The following NRG3 variants were observed in gnomAD, a reference collection of about 807,000 sequenced individuals.
The protein encoded by NRG3 is pro-neuregulin-3, membrane-bound isoform.
Under a neutral mutation model 66.9 loss-of-function variants are expected in NRG3, and 31 were observed. The observed-to-expected ratio is 0.46, with a 90% CI of 0.35 to 0.63. The LOEUF (loss-of-function observed/expected upper bound fraction) is 0.63. Among genes scored for constraint, NRG3 ranks in the 20% least tolerant of loss-of-function variants. The probability of loss-of-function intolerance (pLI) is 0.00; values close to 1 mark genes in which losing one functional copy is unlikely to be tolerated. For synonymous variants in NRG3, 393 were observed against 359.4 expected (o/e 1.09, Z -1.06); for missense variants, 910 against 878.9 (o/e 1.04, Z -0.45).
chr10:82,091,620 C>T (rs564784006), intron 1 of NRG3, among the ~76,000 whole-genome samples: 1 of 152,236 alleles, frequency 6.6e-6, no homozygotes, highest in African/African-American at 2.4e-5. Context: ...CTCCCAAGAC[C>T]AGCTGTACAA....
chr10:82,678,728 C>T (rs949054688), intron 2 of NRG3, among the ~76,000 whole-genome samples: 2 of 152,220 alleles, frequency 1.3e-5, no homozygotes, highest in East Asian at 3.9e-4. Flanking sequence ...CCTACTCCAA[C>T]AGAGCAACAG....
At chr10:82,102,631 C>A (rs913548787) in intron 1 of NRG3, among the ~76,000 whole-genome samples, 3 of 151,624 alleles carry the variant, frequency 2.0e-5, no homozygotes, top group Non-Finnish European at 4.4e-5. Context: ...ATTATACCCA[C>A]ACAAATAAAT....
rs983319407 is a variant in NRG3, at chr10:82,228,681, C to T, written c.824-130058C>T. 3.3e-5 allele frequency among the ~76,000 whole-genome samples: 5 copies of T among 152,148 alleles called. No homozygotes were observed. In the East Asian group the frequency reaches 7.7e-4, roughly 23 times the overall value. ...TAATGATGATACAGCCCCCTTTCCT[C>T]ATGAAAATTAATTTAAAATAACTAG... On this transcript the variant is annotated intron_variant, in intron 1 of 8. Transcript: ENST00000372141.
At chr10:82,905,865 C>G (rs964303199) in intron 4 of NRG3, among the ~76,000 whole-genome samples, 1 of 152,118 alleles carries the variant, frequency 6.6e-6, no homozygotes, top group African/African-American at 2.4e-5. Context: ...AACAATGTTT[C>G]TGTCTTTTCC....
intron 2 of NRG3, among the ~76,000 whole-genome samples, chr10:82,367,072 G>T (rs926450765): frequency 6.6e-6 from 1 of 152,130 alleles, no homozygotes; most frequent in African/African-American, 2.4e-5. Context: ...GTAGCTTTTA[G>T]CTGCTCTCCT....
At chr10:82,118,081 G>A (rs1233256460) in intron 1 of NRG3, among the ~76,000 whole-genome samples, 1 of 152,142 alleles carries the variant, frequency 6.6e-6, no homozygotes, top group East Asian at 1.9e-4. Flanking sequence ...TGTCCAACTT[G>A]GAACCCTCAC....
At chr10:82,141,656 G>A (rs1002940519) in intron 1 of NRG3, among the ~76,000 whole-genome samples, 8 of 152,022 alleles carry the variant, frequency 5.3e-5, no homozygotes, top group Admixed American at 3.9e-4. Context: ...AAATCACAGT[G>A]ATTCTAGGTT....
At position 82,290,925 on chromosome 10, in the gene NRG3, G is replaced by C. The variant is rs57339245; in HGVS notation, c.824-67814G>C. 2.6e-4 allele frequency among the ~76,000 whole-genome samples: 39 copies of C among 151,924 alleles called. No homozygotes were observed. The East Asian group carries it at 7.4e-3, about 29-fold the overall frequency. Reference sequence around the variant, plus strand: ...ACCAAAGTGCTGGGATTACAGGCGTGAGCCACCGCACCCAGCTGACTTCAA... The same window carrying C: ...ACCAAAGTGCTGGGATTACAGGCGTCAGCCACCGCACCCAGCTGACTTCAA... On this transcript the variant is annotated intron_variant, in intron 1 of 8. Transcript: ENST00000372141.
At chr10:82,884,062 T>G (rs943595504) in intron 4 of NRG3, among the ~76,000 whole-genome samples, 2 of 152,120 alleles carry the variant, frequency 1.3e-5, no homozygotes, top group African/African-American at 4.8e-5. Flanking sequence ...TTGCTTATAT[T>G]TATCTTGTAA....
chr10:82,947,255 A>G (rs1308940556), intron 4 of NRG3, among the ~76,000 whole-genome samples: 3 of 152,084 alleles, frequency 2.0e-5, no homozygotes, highest in Non-Finnish European at 4.4e-5. Flanking sequence ...ATTTATTCTG[A>G]TATTCTTCCA....
intron 2 of NRG3, among the ~76,000 whole-genome samples, chr10:82,643,279 A>G (rs963904096): frequency 6.6e-6 from 1 of 152,152 alleles, no homozygotes; most frequent in South Asian, 2.1e-4. Context: ...GTGATAGTGA[A>G]TAAGTCTAAT....
At chr10:82,773,779 AC>A (rs1334968829) in intron 3 of NRG3, among the ~76,000 whole-genome samples, 3 of 152,142 alleles carry the variant, frequency 2.0e-5, no homozygotes, top group African/African-American at 7.2e-5. Context: ...TCTGCCTTGT[AC>A]CAGATCTTGA....
At chr10:82,507,915 C>T (rs1241059489) in intron 2 of NRG3, among the ~76,000 whole-genome samples, 1 of 152,186 alleles carries the variant, frequency 6.6e-6, no homozygotes. Context: ...GGGCAACTCA[C>T]ACTGTGACAA....
intron 2 of NRG3, among the ~76,000 whole-genome samples, chr10:82,459,333 G>A (rs909622628): frequency 6.6e-6 from 1 of 152,152 alleles, no homozygotes; most frequent in African/African-American, 2.4e-5. Context: ...AATTGTTGCT[G>A]TTACTACCAC....
intron 1 of NRG3, among the ~76,000 whole-genome samples, chr10:82,244,465 G>C (rs2077145552): frequency 6.6e-6 from 1 of 152,110 alleles, no homozygotes; most frequent in South Asian, 2.1e-4. Context: ...CATCTTTTTG[G>C]AGTGCCATTG....
At chr10:82,112,949 A>T (rs2067479144) in intron 1 of NRG3, among the ~76,000 whole-genome samples, 1 of 152,094 alleles carries the variant, frequency 6.6e-6, no homozygotes, top group African/African-American at 2.4e-5. Flanking sequence ...ATGAAATAAG[A>T]TGCCTAGCTC....
chr10:82,279,568 G>A (rs961929655), intron 1 of NRG3, among the ~76,000 whole-genome samples: 1 of 152,150 alleles, frequency 6.6e-6, no homozygotes, highest in African/African-American at 2.4e-5. Context: ...TCTTTATAAA[G>A]AATTTAAAAA....
At chr10:82,692,414 A>G (rs2055011108) in intron 2 of NRG3, among the ~76,000 whole-genome samples, 1 of 152,236 alleles carries the variant, frequency 6.6e-6, no homozygotes, top group Admixed American at 6.5e-5. Flanking sequence ...TTGATACAAG[A>G]TATTTTGCTC....
chr10:82,328,623 C>A (rs2081987352), intron 1 of NRG3, among the ~76,000 whole-genome samples: 1 of 152,166 alleles, frequency 6.6e-6, no homozygotes, highest in Non-Finnish European at 1.5e-5. Context: ...TTTCTGTTAA[C>A]CTCACCATAG....
Sources: allele counts gnomAD v4.1 joint callset (sites outside exome capture counted in the v4.1 genomes callset), GRCh38; gene constraint gnomAD v4.1.1; transcripts MANE v1.5; gene names NCBI Gene and HGNC (gene_info 2026-07-23, HGNC 2026-07-21).